The following LAMA4 variants were observed in gnomAD, a reference collection of about 807,000 sequenced individuals.
LAMA4 encodes laminin subunit alpha-4.
In LAMA4, 127 loss-of-function variants were observed where a neutral mutation model predicts 207.1. That is an observed-to-expected ratio of 0.61 (90% confidence interval 0.53 to 0.71). The LOEUF is 0.71. LAMA4 is among the 30% of genes least tolerant of loss of function. The probability of loss-of-function intolerance (pLI) is 0.00; values close to 1 mark genes in which losing one functional copy is unlikely to be tolerated. For synonymous variants in LAMA4, 761 were observed against 816.0 expected (o/e 0.93, Z 1.15); for missense variants, 2,093 against 2,246.5 (o/e 0.93, Z 1.38).
At chr6:112,189,062 G>A in intron 7 of LAMA4, 48 bp downstream of exon 7, 4 of 1,317,800 alleles carry the variant, frequency 3.0e-6, no homozygotes, top group Non-Finnish European at 4.4e-6. Flanking sequence ...CACACCTGCA[G>A]CACATTAGAG....
intron 8 of LAMA4, 199 bp downstream of exon 8, chr6:112,187,251 T>A: frequency 1.4e-6 from 1 of 701,330 alleles, no homozygotes; most frequent in Non-Finnish European, 2.5e-6. Context: ...GTTCTTGTTT[T>A]GGCCCAAGCT....
At chr6:112,121,647 A>C (rs1583644214) in intron 32 of LAMA4, 1 of 299,056 alleles carries the variant, frequency 3.3e-6, no homozygotes, top group East Asian at 8.5e-5. Context: ...ACCTTTTAGC[A>C]GTTCAAATGC....
intron 2 of LAMA4, among the ~76,000 whole-genome samples, chr6:112,248,556 TG>T (rs1171244642): frequency 3.3e-5 from 5 of 151,640 alleles, no homozygotes; most frequent in African/African-American, 1.2e-4. Flanking sequence ...TATTTTATCA[TG>T]TTAAAAGAAA....
At chr6:112,167,317 G>T (rs1781436824) in intron 12 of LAMA4, among the ~76,000 whole-genome samples, 1 of 152,122 alleles carries the variant, frequency 6.6e-6, no homozygotes. Flanking sequence ...CAACAGAATT[G>T]CTTGAACCCA....
At chr6:112,121,838 A>G (rs1317239571) in intron 32 of LAMA4, 176 bp downstream of exon 32, 1 of 618,412 alleles carries the variant, frequency 1.6e-6, no homozygotes, top group Non-Finnish European at 2.9e-6. Context: ...AGTCACAGAG[A>G]ATATAATTCT....
chr6:112,242,769 A>G (rs1554187911), intron 2 of LAMA4, among the ~76,000 whole-genome samples: 1 of 152,132 alleles, frequency 6.6e-6, no homozygotes, highest in Admixed American at 6.5e-5. Flanking sequence ...TTGCTTCCAC[A>G]TGTTGTGTTC....
chr6:112,151,988 C>T (rs554491353), intron 16 of LAMA4, among the ~76,000 whole-genome samples: 3 of 152,124 alleles, frequency 2.0e-5, no homozygotes, highest in South Asian at 4.1e-4. Context: ...TCTTGAAATC[C>T]TAAAATAAAC....
chr6:112,109,569 T>C lies in LAMA4; in HGVS notation c.5340A>G (p.Thr1780=), dbSNP rs139241892. The C allele has an allele frequency of 8.9e-5, 143 of 1,614,098 alleles. 2 individuals are homozygous for C. In the African/African-American group the frequency reaches 1.6e-3, roughly 18 times the overall value. Residue 1780 remains threonine, a synonymous_variant, in exon 39 of 39, where the codon ACA becomes ACG. Coordinates refer to ENST00000230538, the MANE Select transcript of LAMA4 (RefSeq NM_001105206.3). ...FVGGVPESLL[T]PRLAPSKPFT... is the part of the protein sequence containing the mutation. ...AGGGTTTGCTGGGGGCCAAGCGTGG[T>C]GTCAGTAGAGATTCTGAAAAGAGCA...
chr6:112,210,204 C>CT (rs56690682), intron 3 of LAMA4, among the ~76,000 whole-genome samples: 3,014 of 142,320 alleles, frequency 0.021, 62 homozygotes, highest in African/African-American at 0.054. Flanking sequence ...TCAGGTACGT[C>CT]TTTTTTTTTT....
intron 36 of LAMA4, 74 bp downstream of exon 36, chr6:112,115,789 G>T: frequency 1.4e-6 from 2 of 1,417,704 alleles, no homozygotes; most frequent in Non-Finnish European, 2.0e-6. Context: ...AAATAATTCT[G>T]TGAAATAAAT....
intron 6 of LAMA4, among the ~76,000 whole-genome samples, chr6:112,190,826 T>C (rs1747647985): frequency 6.6e-6 from 1 of 152,210 alleles, no homozygotes; most frequent in Admixed American, 6.5e-5. Flanking sequence ...ACGAGAGATA[T>C]AGCCCTCTGA....
At chr6:112,212,785 G>C (rs1784423761) in intron 3 of LAMA4, among the ~76,000 whole-genome samples, 1 of 152,160 alleles carries the variant, frequency 6.6e-6, no homozygotes, top group African/African-American at 2.4e-5. Context: ...ACAGGAACAA[G>C]AAGTCTCTAT....
chr6:112,138,568 TAAATA>T (rs1779492362), intron 24 of LAMA4, among the ~76,000 whole-genome samples: 1 of 152,052 alleles, frequency 6.6e-6, no homozygotes, highest in South Asian at 2.1e-4. Context: ...GTATCATTAA[TAAATA>T]AGTCAATTTA....
intron 29 of LAMA4, chr6:112,130,286 C>T: frequency 1.9e-6 from 1 of 515,194 alleles, no homozygotes; most frequent in Non-Finnish European, 3.5e-6. Context: ...GATGACTAGT[C>T]ATCAGCATTA....
intron 13 of LAMA4, among the ~76,000 whole-genome samples, chr6:112,163,065 G>A (rs182958018): frequency 2.0e-5 from 3 of 148,050 alleles, no homozygotes; most frequent in Admixed American, 6.9e-5. Context: ...TGCACTTCCC[G>A]GGCTCAAGTG....
rs1263582117 is a variant in LAMA4 at position 112,117,357 on chromosome 6, A to G, written c.4981+382T>C. ...ACGTTGTCTGCTGGTGTTGCAAGTC[A>G]TGGGGAGAAAGTGGGACTTCCTTTA... On this transcript the variant is annotated intron_variant, in intron 35 of 38. Transcript: ENST00000230538. This position sits in a 1 kb window ranked among gnomAD's most constrained non-coding sequence, Gnocchi z 4.5. Among the ~76,000 whole-genome samples, 4 of 152,190 alleles carry G rather than the reference A, an allele frequency of 2.6e-5. No homozygotes were observed. The highest frequency in any genetic ancestry group is 9.6e-5 in the African/African-American group (4 of 41,454).
chr6:112,155,141 G>GT (rs1320112611), intron 15 of LAMA4, among the ~76,000 whole-genome samples, 194 bp from the exon 16 acceptor site: 12 of 152,118 alleles, frequency 7.9e-5, no homozygotes, highest in African/African-American at 2.7e-4. Context: ...TCAAGGTAAT[G>GT]TTTTTTTGGG....
In LAMA4 at chr6:112,154,885, A is replaced by G; in HGVS notation, c.2022T>C (p.Asn674=). 1 of 1,613,244 alleles carries G rather than the reference A, an allele frequency of 6.2e-7. No homozygotes were observed. Among genetic ancestry groups the G allele is most frequent in the South Asian group, 1.1e-5 (1 of 91,062 alleles). Residue 674 remains asparagine (N), a synonymous_variant, in exon 16 of 39, where the codon AAT becomes AAC. Coordinates refer to ENST00000230538, the MANE Select transcript of LAMA4 (RefSeq NM_001105206.3). ...CCTTTGCTTGCAGTTCTCTGGCTTG[A>G]TTGAGGAGGTTCTCACTTTCATCTT... The part of the protein sequence containing the change: ...YHKDESENLL[N]QARELQAKAE...
Position 112,129,075 on chromosome 6 carries a change from C to A in LAMA4, c.4134G>T (p.Arg1378Ser). The A allele has an allele frequency of 6.2e-7, 1 of 1,609,776 alleles. No individual in the cohort carries two copies. The highest frequency in any genetic ancestry group is 1.1e-5 in the South Asian group (1 of 90,960). The change falls in exon 31 of 39, where the codon AGG becomes AGT. Residue 1378 changes from arginine to serine, a missense_variant and splice_region_variant. Around this residue, in one of 3 missense-constraint regions of LAMA4, gnomAD observed 1,704 missense variants for 1,788.4 expected, o/e 0.95. Coordinates refer to ENST00000230538, the MANE Select transcript of LAMA4 (RefSeq NM_001105206.3). ...CTTCAACCTCCACATCTCTATCCAC[C>A]CTGTGTTTGTAACAGAGGAAAAAAT... ...TGCISNAYFT[R>S]VDRDVEVEDF...
Sources: allele counts gnomAD v4.1 joint callset (sites outside exome capture counted in the v4.1 genomes callset), GRCh38; gene constraint gnomAD v4.1.1; regional missense constraint gnomAD v4.1.1; non-coding constraint Gnocchi (gnomAD v3.1); transcripts MANE v1.5; gene names NCBI Gene and HGNC (gene_info 2026-07-23, HGNC 2026-07-21).